Variants in MTHFD1L observed in about 807,000 individuals in gnomAD.
The protein encoded by MTHFD1L is monofunctional C1-tetrahydrofolate synthase, mitochondrial.
A neutral mutation model predicts 119.5 loss-of-function variants in MTHFD1L; 81 were observed. That is an observed-to-expected ratio of 0.68 (90% CI 0.57 to 0.82). MTHFD1L has a LOEUF of 0.82. Ranked by LOEUF, MTHFD1L falls within the 40% of genes least tolerant of loss-of-function variation. The pLI, the probability that MTHFD1L is intolerant of heterozygous loss-of-function variation, is 0.00. For synonymous variants in MTHFD1L, 430 were observed against 475.2 expected (o/e 0.90, Z 1.24); for missense variants, 1,125 against 1,253.4 (o/e 0.90, Z 1.55).
intron 20 of MTHFD1L, among the ~76,000 whole-genome samples, chr6:150,978,041 C>T (rs1003766042): frequency 6.6e-6 from 1 of 151,886 alleles, no homozygotes; most frequent in Non-Finnish European, 1.5e-5. Flanking sequence ...GCTTGGATTA[C>T]AGGCGCATGC....
At chr6:151,088,345 A>G (rs1794030979) in intron 26 of MTHFD1L, 1 of 152,180 alleles carries the variant, frequency 6.6e-6, no homozygotes, top group Non-Finnish European at 1.5e-5. Context: ...TGAAGGGGTC[A>G]TGGGAGTCTA....
chr6:151,042,359 G>C (rs1447173731), intron 26 of MTHFD1L, among the ~76,000 whole-genome samples: 1 of 152,130 alleles, frequency 6.6e-6, no homozygotes, highest in East Asian at 1.9e-4. Flanking sequence ...ATACCACTTA[G>C]TACATCTTTT....
At chr6:150,884,856 C>T (rs574970391) in intron 5 of MTHFD1L, among the ~76,000 whole-genome samples, 2 of 152,166 alleles carry the variant, frequency 1.3e-5, no homozygotes, top group East Asian at 1.9e-4. Context: ...AGATAAATAT[C>T]GAGGTCAAGT....
At chr6:150,874,400 G>A (rs77906619) in intron 1 of MTHFD1L, among the ~76,000 whole-genome samples, 3 of 152,088 alleles carry the variant, frequency 2.0e-5, no homozygotes, top group South Asian at 4.1e-4. Flanking sequence ...CTAAAGCCCC[G>A]CCTGGGAACT....
intron 8 of MTHFD1L, among the ~76,000 whole-genome samples, chr6:150,913,571 G>T (rs1369860873): frequency 6.6e-6 from 1 of 152,132 alleles, no homozygotes; most frequent in East Asian, 1.9e-4. Context: ...CTCTGAAAGT[G>T]CTGGGATTAC....
At chr6:150,990,240 C>T (rs747939515) in intron 20 of MTHFD1L, among the ~76,000 whole-genome samples, 7 of 151,472 alleles carry the variant, frequency 4.6e-5, no homozygotes, top group African/African-American at 1.7e-4. Context: ...GATTGTACCA[C>T]TGCACTCCAG....
At chr6:150,905,898 T>C in intron 8 of MTHFD1L, 137 bp downstream of exon 8, 1 of 671,236 alleles carries the variant, frequency 1.5e-6, no homozygotes. Flanking sequence ...AAACTTAGAC[T>C]GTGGGCTACC....
At chr6:150,941,298 G>A (rs1793060916) in intron 13 of MTHFD1L, among the ~76,000 whole-genome samples, 1 of 152,194 alleles carries the variant, frequency 6.6e-6, no homozygotes, top group Non-Finnish European at 1.5e-5. Context: ...GGGAGTTGGG[G>A]GGGTTGAGGT....
At chr6:150,977,962 G>A (rs1231771146) in intron 20 of MTHFD1L, among the ~76,000 whole-genome samples, 3 of 149,156 alleles carry the variant, frequency 2.0e-5, no homozygotes, top group African/African-American at 5.0e-5. Flanking sequence ...GTGCAGTGGC[G>A]TGACCTCAGC....
chr6:150,956,396 A>G (rs888607686), intron 17 of MTHFD1L, among the ~76,000 whole-genome samples: 1 of 152,230 alleles, frequency 6.6e-6, no homozygotes, highest in Non-Finnish European at 1.5e-5. Context: ...GTAATACTAC[A>G]TCTGCATAAC....
At chr6:150,884,015 T>TC (rs906172435) in intron 5 of MTHFD1L, among the ~76,000 whole-genome samples, 1 of 152,008 alleles carries the variant, frequency 6.6e-6, no homozygotes, top group Admixed American at 6.6e-5. Context: ...CATGAACACC[T>TC]CCAGTCCTGG....
At chr6:151,074,547 G>A (rs755249675) in intron 26 of MTHFD1L, among the ~76,000 whole-genome samples, 45 of 152,236 alleles carry the variant, frequency 3.0e-4, no homozygotes, top group Non-Finnish European at 6.2e-4. Context: ...TGGTGTGGTA[G>A]TATAATTATA....
chr6:151,009,935 A>T lies in MTHFD1L; in HGVS notation c.2242A>T (p.Lys748Ter). 2 of 1,610,992 alleles carry T rather than the reference A, an allele frequency of 1.2e-6. No homozygotes were observed. Among genetic ancestry groups the T allele is most frequent in the Non-Finnish European group, 1.7e-6 (2 of 1,178,854 alleles). ...VVLVATVRALKMHGGGPSVTA... is the reference protein window; with the variant it reads ...VVLVATVRAL ...GTTAGTGGCAACGGTGCGAGCTCTG[A>T]AGATGCATGGAGGCGGGCCAAGTGT... The change falls in exon 21 of 28, where the codon AAG becomes TAG. Residue 748 changes from lysine to a stop codon, truncating the protein, a stop_gained. Coordinates refer to ENST00000367321, the MANE Select transcript of MTHFD1L (RefSeq NM_015440.5). LOFTEE classifies it high-confidence loss of function.
At chr6:151,014,732 C>A (rs897202816) in intron 22 of MTHFD1L, 148 bp from the exon 23 acceptor site, 6 of 607,458 alleles carry the variant, frequency 9.9e-6, no homozygotes, top group Non-Finnish European at 1.7e-5. Flanking sequence ...GAAGACGAAC[C>A]TCTTTATTCT....
At chr6:151,041,772 C>T (rs1382539198) in intron 26 of MTHFD1L, 1 of 531,380 alleles carries the variant, frequency 1.9e-6, no homozygotes, top group Non-Finnish European at 3.9e-6. Context: ...GTTGTGTCCT[C>T]AAGGGAGGCA....
intron 26 of MTHFD1L, among the ~76,000 whole-genome samples, chr6:151,086,649 C>A (rs1793836086): frequency 6.6e-6 from 1 of 151,762 alleles, no homozygotes; most frequent in Non-Finnish European, 1.5e-5. Context: ...CACCTCAGCC[C>A]CCTAAGTAAC....
chr6:150,870,718 C>G (rs1424088045), intron 1 of MTHFD1L, among the ~76,000 whole-genome samples: 1 of 151,910 alleles, frequency 6.6e-6, no homozygotes, highest in African/African-American at 2.4e-5. Flanking sequence ...CGAGACCAGC[C>G]TGGCCAACAT....
chr6:151,038,260 A>G (rs1396798555), intron 26 of MTHFD1L, among the ~76,000 whole-genome samples: 1 of 152,230 alleles, frequency 6.6e-6, no homozygotes, highest in Non-Finnish European at 1.5e-5. Flanking sequence ...TGCCTGGGGT[A>G]GAACTTACCC....
chr6:150,888,554 A>C (rs1002930477), intron 7 of MTHFD1L, among the ~76,000 whole-genome samples: 21 of 151,772 alleles, frequency 1.4e-4, no homozygotes, highest in Admixed American at 3.9e-4. Context: ...TTTGATGAAA[A>C]TTATTAAGAA....
Sources: gnomAD v4.1 joint callset for allele counts (sites outside exome capture counted in the v4.1 genomes callset) on GRCh38, gnomAD v4.1.1 for gene constraint, MANE v1.5 for transcripts, NCBI Gene and HGNC (gene_info 2026-07-23, HGNC 2026-07-21) for gene names.